EVA1C: variants seen among roughly 807,000 people sequenced by gnomAD.
EVA1C encodes the protein eva-1 homolog C.
In EVA1C, 25 loss-of-function variants were observed where a neutral mutation model predicts 45.4. That is an observed-to-expected ratio of 0.55 (90% CI 0.40 to 0.77). The LOEUF (loss-of-function observed/expected upper bound fraction) is 0.77, where lower values mean the gene tolerates loss of function less well. Ranked by LOEUF, EVA1C falls within the 30% of genes least tolerant of loss-of-function variation. The probability of loss-of-function intolerance (pLI) is 0.00; values close to 1 mark genes in which losing one functional copy is unlikely to be tolerated. For missense variants in EVA1C, 479 were observed against 554.8 expected, an observed-to-expected ratio of 0.86 and a Z score of 1.37; for synonymous variants, 190 against 221.2, an observed-to-expected ratio of 0.86 and a Z score of 1.25.
intron 4 of EVA1C, among the ~76,000 whole-genome samples, chr21:32,494,231 T>C (rs2037266021): frequency 6.6e-6 from 1 of 152,262 alleles, no homozygotes; most frequent in South Asian, 2.1e-4. Flanking sequence ...TCAATTAGTT[T>C]ATTTCATTCA....
intron 1 of EVA1C, among the ~76,000 whole-genome samples, chr21:32,418,432 T>C (rs963811043): frequency 1.3e-5 from 2 of 152,224 alleles, no homozygotes; most frequent in Admixed American, 1.3e-4. Flanking sequence ...TCCCTGTTAT[T>C]GATGGCTTTG....
At chr21:32,421,703 A>G (rs1295212048) in intron 1 of EVA1C, among the ~76,000 whole-genome samples, 2 of 152,228 alleles carry the variant, frequency 1.3e-5, no homozygotes, top group African/African-American at 4.8e-5. Flanking sequence ...AAATTACATT[A>G]TATGAGCAGT....
At chr21:32,427,688 G>C (rs2034542547) in intron 1 of EVA1C, among the ~76,000 whole-genome samples, 2 of 151,762 alleles carry the variant, frequency 1.3e-5, no homozygotes, top group South Asian at 4.2e-4. Flanking sequence ...ACTCCAGCCT[G>C]GTGACAGAGC....
At chr21:32,418,220 A>T (rs1344166691) in intron 1 of EVA1C, among the ~76,000 whole-genome samples, 2 of 152,226 alleles carry the variant, frequency 1.3e-5, no homozygotes, top group Admixed American at 6.5e-5. Context: ...TTACTTTAAA[A>T]AAATTTATGG....
intron 1 of EVA1C, among the ~76,000 whole-genome samples, chr21:32,424,588 G>A (rs1568862407): frequency 6.6e-6 from 1 of 152,072 alleles, no homozygotes; most frequent in Non-Finnish European, 1.5e-5. Flanking sequence ...ATGCCAGAAC[G>A]CTCCTTCCAA....
chr21:32,411,762 G>T (rs891134127), upstream of EVA1C, among the ~76,000 whole-genome samples: 1 of 152,192 alleles, frequency 6.6e-6, no homozygotes, highest in Non-Finnish European at 1.5e-5. Context: ...CCCTTCCGCC[G>T]GCCCCGCGCG....
At chr21:32,473,063 A>C (rs371994718) in intron 4 of EVA1C, among the ~76,000 whole-genome samples, 1 of 152,262 alleles carries the variant, frequency 6.6e-6, no homozygotes, top group Non-Finnish European at 1.5e-5. Context: ...TCAGGTCCTC[A>C]GCCTCACATG....
chr21:32,431,263 C>T (rs1259516616), intron 1 of EVA1C, among the ~76,000 whole-genome samples: 1 of 152,228 alleles, frequency 6.6e-6, no homozygotes, highest in Non-Finnish European at 1.5e-5. Context: ...CCCAACGTCT[C>T]CCATCTTATT....
intron 1 of EVA1C, among the ~76,000 whole-genome samples, chr21:32,414,178 C>G (rs569441639): frequency 6.6e-6 from 1 of 152,264 alleles, no homozygotes; most frequent in South Asian, 2.1e-4. Context: ...TCCTACCTAG[C>G]AAAGGAAGCC....
chr21:32,458,928 T>G lies in EVA1C; in HGVS notation c.481+1208T>G, dbSNP rs1216065460. On this transcript the variant is annotated intron_variant, in intron 3 of 7. Coordinates refer to ENST00000300255, the MANE Select transcript of EVA1C (RefSeq NM_058187.5). ...TATGTGGGGAGAGGTCAGGCCACACTCGTACTATGGTCTCAGGTACACATG... is the reference window on the plus strand; with the variant it reads ...TATGTGGGGAGAGGTCAGGCCACACGCGTACTATGGTCTCAGGTACACATG... 2.0e-5 allele frequency among the ~76,000 whole-genome samples: 3 copies of G among 151,956 alleles called. No homozygotes were observed. In the East Asian group the frequency reaches 5.8e-4, roughly 29 times the overall value.
chr21:32,422,769 C>A (rs78732220), intron 1 of EVA1C, among the ~76,000 whole-genome samples: 21,712 of 152,056 alleles, frequency 0.14, 1,770 homozygotes, highest in East Asian at 0.24. Context: ...GCTAATGAAT[C>A]TTTACTAAAA....
At chr21:32,416,321 CTTTTTTTTTTTT>C (rs909665670) in intron 1 of EVA1C, among the ~76,000 whole-genome samples, 1 of 134,292 alleles carries the variant, frequency 7.4e-6, no homozygotes, top group South Asian at 2.3e-4. Context: ...TTTTCTTTTT[CTTTTTTTTTTTT>C]TTTTTTTCTT....
intron 3 of EVA1C, among the ~76,000 whole-genome samples, chr21:32,460,957 G>T (rs940810495): frequency 1.6e-4 from 24 of 152,304 alleles, no homozygotes; most frequent in African/African-American, 5.5e-4. Flanking sequence ...TGTTGGCCAG[G>T]CTGGTCTTGA....
At chr21:32,491,221 G>T (rs1244021080) in intron 4 of EVA1C, among the ~76,000 whole-genome samples, 1 of 152,184 alleles carries the variant, frequency 6.6e-6, no homozygotes, top group African/African-American at 2.4e-5. Context: ...TTCTGGGGCT[G>T]CAGTGAGACC....
intron 4 of EVA1C, among the ~76,000 whole-genome samples, chr21:32,494,719 G>T (rs2037284177): frequency 6.6e-6 from 1 of 151,642 alleles, no homozygotes; most frequent in African/African-American, 2.4e-5. Context: ...GGAGGCAGAG[G>T]TTGCAGTGAC....
rs564813412 is a variant in EVA1C, at chr21:32,515,181, G to T, written c.1317G>T (p.Gln439His). 1.3e-6 allele frequency: 2 copies of T among 1,580,972 alleles called. No homozygotes were observed. Among genetic ancestry groups the T allele is most frequent in the African/African-American group, 2.7e-5 (2 of 73,868 alleles). ...LDTSLPRNMG[Q>H]FY The stretch of plus-strand genomic sequence containing the variant: ...CCTCGCTCCCAAGAAACATGGGCCA[G>T]TTCTACTGAAAACCACATGCATCTT... Residue 439 changes from glutamine (Q) to histidine (H), a missense_variant, in exon 8 of 8, where the codon CAG becomes CAT. By Grantham distance (24) the Gln-to-His change is conservative. Coordinates refer to ENST00000300255, the MANE Select transcript of EVA1C (RefSeq NM_058187.5).
At chr21:32,498,175 G>A (rs889524914) in intron 5 of EVA1C, among the ~76,000 whole-genome samples, 1 of 152,180 alleles carries the variant, frequency 6.6e-6, no homozygotes, top group South Asian at 2.1e-4. Context: ...GGCCAGGTGC[G>A]GTGGCTCACG....
At chr21:32,505,525 T>G (rs2037697158) in intron 7 of EVA1C, among the ~76,000 whole-genome samples, 1 of 152,184 alleles carries the variant, frequency 6.6e-6, no homozygotes, top group South Asian at 2.1e-4. Flanking sequence ...TGCTGTGTGC[T>G]TTACCCCAAC....
intron 7 of EVA1C, among the ~76,000 whole-genome samples, chr21:32,505,372 G>A (rs2037692584): frequency 6.6e-6 from 1 of 152,122 alleles, no homozygotes; most frequent in Admixed American, 6.5e-5. Flanking sequence ...AGAACTGTAA[G>A]GATTTTTACT....
Sources: gnomAD v4.1 joint callset for allele counts (sites outside exome capture counted in the v4.1 genomes callset) on GRCh38, gnomAD v4.1.1 for gene constraint, MANE v1.5 for transcripts, NCBI Gene and HGNC (gene_info 2026-07-23, HGNC 2026-07-21) for gene names.